The following PKP4 variants were observed in gnomAD, a reference collection of about 807,000 sequenced individuals.
PKP4 encodes the protein plakophilin 4.
In PKP4, 90 loss-of-function variants were observed where a neutral mutation model predicts 145.1. That is an observed-to-expected ratio of 0.62 (90% confidence interval 0.52 to 0.74). PKP4 has a LOEUF of 0.74. Ranked by LOEUF, PKP4 falls within the 30% of genes least tolerant of loss-of-function variation. PKP4 has a pLI of 0.00. For missense variants in PKP4, 1,340 were observed against 1,482.7 expected (o/e 0.90, Z 1.58); for synonymous variants, 563 against 577.2 (o/e 0.98, Z 0.35).
In PKP4 at chr2:158,676,925, T is replaced by C. The variant is rs775705784; in HGVS notation, c.3256+58T>C. On this transcript the variant is annotated intron_variant, in intron 20 of 21. Transcript: ENST00000389759. The stretch of plus-strand genomic sequence containing the variant: ...CTTGAAAAGCCGCATTTCCAGGCGC[T>C]TGGCCAGTGGCCTGGGAAGTAGCCT... 2.4e-5 allele frequency: 38 copies of C among 1,607,320 alleles called. No homozygotes were observed. In the South Asian group the frequency reaches 3.3e-4, roughly 14 times the overall value.
chr2:158,641,334 A>G (rs1299296990), intron 10 of PKP4, among the ~76,000 whole-genome samples: 2 of 151,932 alleles, frequency 1.3e-5, no homozygotes, highest in African/African-American at 4.8e-5. Flanking sequence ...TCTGTCTCAA[A>G]AAAAAAAAAA....
At chr2:158,567,531 T>C (rs1318324625) in intron 2 of PKP4, among the ~76,000 whole-genome samples, 1 of 152,200 alleles carries the variant, frequency 6.6e-6, no homozygotes, top group Non-Finnish European at 1.5e-5. Context: ...TTTCAAATCT[T>C]GGTTTTGAGT....
intron 2 of PKP4, among the ~76,000 whole-genome samples, chr2:158,546,359 G>A (rs2045038568): frequency 2.0e-5 from 3 of 152,158 alleles, no homozygotes; most frequent in Admixed American, 2.0e-4. Flanking sequence ...TGCTTTCAGA[G>A]TGAAGCCTGC....
intron 2 of PKP4, among the ~76,000 whole-genome samples, chr2:158,536,017 AC>A (rs1218888000): frequency 6.6e-6 from 1 of 152,216 alleles, no homozygotes; most frequent in African/African-American, 2.4e-5. Flanking sequence ...TTACAACAGT[AC>A]CTGGCACTTA....
chr2:158,592,878 C>G (rs2049393779), intron 3 of PKP4, among the ~76,000 whole-genome samples: 1 of 152,046 alleles, frequency 6.6e-6, no homozygotes, highest in Non-Finnish European at 1.5e-5. Flanking sequence ...TTATAAATTT[C>G]AAGGATTTGG....
intron 3 of PKP4, among the ~76,000 whole-genome samples, chr2:158,579,887 A>G (rs2048189966): frequency 6.6e-6 from 1 of 152,094 alleles, no homozygotes; most frequent in Non-Finnish European, 1.5e-5. Context: ...ATATATAGCA[A>G]TACTGCATAA....
intron 3 of PKP4, among the ~76,000 whole-genome samples, chr2:158,594,445 A>C (rs2049545817): frequency 6.6e-6 from 1 of 152,176 alleles, no homozygotes; most frequent in South Asian, 2.1e-4. Context: ...ACTAAACTAC[A>C]GTTAGGCACC....
At chr2:158,520,955 A>C (rs1042303548) in intron 1 of PKP4, among the ~76,000 whole-genome samples, 2 of 152,238 alleles carry the variant, frequency 1.3e-5, no homozygotes, top group Non-Finnish European at 1.5e-5. Flanking sequence ...CATTGAATGA[A>C]TATATTACAT....
At chr2:158,676,476 G>A (rs987218889) in intron 19 of PKP4, among the ~76,000 whole-genome samples, 11 of 152,290 alleles carry the variant, frequency 7.2e-5, no homozygotes, top group Admixed American at 2.6e-4. Flanking sequence ...CTCTTTAGCC[G>A]GGCAGCTTGC....
chr2:158,594,944 G>A lies in PKP4; in HGVS notation c.246-8126G>A, dbSNP rs550691476. Among the ~76,000 whole-genome samples, 47 of 152,262 alleles carry A rather than the reference G, an allele frequency of 3.1e-4. 1 individual carries two copies. The South Asian group carries it at 9.8e-3, about 32-fold the overall frequency. ...CTGGGCAAAGCAGTTCACTTTCACTGTCTTCACGTGTTGACCTTCCTGTCT... is the reference window on the plus strand; with the variant it reads ...CTGGGCAAAGCAGTTCACTTTCACTATCTTCACGTGTTGACCTTCCTGTCT... On this transcript the variant is annotated intron_variant, in intron 3 of 21. Transcript: ENST00000389759.
chr2:158,562,290 G>A (rs143720211), intron 2 of PKP4, among the ~76,000 whole-genome samples: 3 of 152,168 alleles, frequency 2.0e-5, no homozygotes, highest in Non-Finnish European at 2.9e-5. Flanking sequence ...TAAACAAAAT[G>A]TGGCATATAT....
At chr2:158,559,078 G>A (rs2046317835) in intron 2 of PKP4, among the ~76,000 whole-genome samples, 1 of 152,164 alleles carries the variant, frequency 6.6e-6, no homozygotes, top group Non-Finnish European at 1.5e-5. Flanking sequence ...ATGAATGGAA[G>A]GCCTTGTCTG....
intron 4 of PKP4, among the ~76,000 whole-genome samples, chr2:158,616,744 AG>A (rs1238664687): frequency 6.6e-6 from 1 of 152,192 alleles, no homozygotes. Flanking sequence ...GACTAGTCAC[AG>A]GGTTGTCTAT....
chr2:158,631,679 T>G (rs1190475006), intron 7 of PKP4, 74 bp from the exon 8 acceptor site: 2 of 1,302,412 alleles, frequency 1.5e-6, no homozygotes, highest in Non-Finnish European at 2.2e-6. Flanking sequence ...GGGTTAGGAA[T>G]TTAATTAGGG....
rs10184051 is a variant in PKP4 at position 158,597,751 on chromosome 2, A to G, written c.246-5319A>G. Among the ~76,000 whole-genome samples the G allele has an allele frequency of 4.7e-3, 717 of 152,342 alleles. 7 individuals are homozygous for G. Among genetic ancestry groups the G allele is most frequent in the South Asian group, 0.018 (89 of 4,830 alleles). ...CTATGGTTTATTTTTTCAGCTATTA[A>G]TGAGTTATATTCATATATAAATATA... On this transcript the variant is annotated intron_variant, in intron 3 of 21. Transcript: ENST00000389759.
At chr2:158,602,950 G>T in intron 3 of PKP4, 120 bp from the exon 4 acceptor site, 2 of 504,346 alleles carry the variant, frequency 4.0e-6, no homozygotes, top group Non-Finnish European at 7.2e-6. Flanking sequence ...TTTATTTAAG[G>T]TTTTTGTGCT....
chr2:158,606,993 A>G (rs1038818854), intron 4 of PKP4, among the ~76,000 whole-genome samples: 1 of 152,174 alleles, frequency 6.6e-6, no homozygotes, highest in African/African-American at 2.4e-5. Flanking sequence ...ATTTTTTACT[A>G]TTTTAAATAA....
intron 2 of PKP4, among the ~76,000 whole-genome samples, chr2:158,539,507 A>C: frequency 6.6e-6 from 1 of 152,212 alleles, no homozygotes; most frequent in Non-Finnish European, 1.5e-5. Context: ...TCAGCTGTAA[A>C]CAAGCATAGT....
chr2:158,509,287 A>C (rs186556447), intron 1 of PKP4, among the ~76,000 whole-genome samples: 1 of 152,332 alleles, frequency 6.6e-6, no homozygotes, highest in East Asian at 1.9e-4. Context: ...TAAGAGTAAC[A>C]ATATTTTAAG....
Sources: gnomAD v4.1 joint callset for allele counts (sites outside exome capture counted in the v4.1 genomes callset) on GRCh38, gnomAD v4.1.1 for gene constraint, MANE v1.5 for transcripts, NCBI Gene and HGNC (gene_info 2026-07-23, HGNC 2026-07-21) for gene names.